DPP10: variants seen among roughly 807,000 people sequenced by gnomAD.
DPP10 encodes the protein inactive dipeptidyl peptidase 10.
In DPP10, 33 loss-of-function variants were observed where a neutral mutation model predicts 120.9. The observed-to-expected ratio is 0.27, with a 90% confidence interval of 0.21 to 0.37. DPP10 has a LOEUF of 0.37. Among genes scored for constraint, DPP10 ranks in the 10% least tolerant of loss-of-function variants. DPP10 has a pLI of 1.00. For synonymous variants in DPP10, 337 were observed against 326.1 expected (o/e 1.03, Z -0.36); for missense variants, 816 against 942.8 (o/e 0.87, Z 1.76).
At chr2:115,460,301 C>A (rs528371290) in intron 3 of DPP10, among the ~76,000 whole-genome samples, 26 of 152,096 alleles carry the variant, frequency 1.7e-4, no homozygotes, top group African/African-American at 6.0e-4. Context: ...TCTTTCTCTC[C>A]CTATTAGTTA....
At position 115,779,601 on chromosome 2, in the gene DPP10, G is replaced by A. The variant is rs541526468; in HGVS notation, c.1362-1273G>A. 2.0e-5 allele frequency among the ~76,000 whole-genome samples: 3 copies of A among 152,144 alleles called. No homozygotes were observed. The South Asian group carries it at 6.2e-4, about 31-fold the overall frequency. On this transcript the variant is annotated intron_variant, in intron 15 of 25. Transcript: ENST00000410059. ...TCTAAAAGCTTTATGGAAGAGTAGA[G>A]AGAAAAAGGTTTTAAATCTTAGTAT...
intron 19 of DPP10, among the ~76,000 whole-genome samples, chr2:115,796,976 T>C (rs545924888): frequency 6.6e-6 from 1 of 152,212 alleles, no homozygotes; most frequent in Non-Finnish European, 1.5e-5. Context: ...CCTGCCTACA[T>C]AGTCCACCGT....
chr2:115,473,271 G>A (rs1440036156), intron 3 of DPP10, among the ~76,000 whole-genome samples: 1 of 152,150 alleles, frequency 6.6e-6, no homozygotes, highest in Non-Finnish European at 1.5e-5. Flanking sequence ...GGGTTAGTAA[G>A]TTCAACTTCT....
At chr2:115,650,412 G>C (rs1008435426) in intron 5 of DPP10, among the ~76,000 whole-genome samples, 6 of 45,364 alleles carry the variant, frequency 1.3e-4, no homozygotes, top group Admixed American at 3.8e-4. Context: ...ATGGGGAAAG[G>C]GGGGGGGGGA....
At chr2:114,997,365 A>T (rs1574659109) in intron 1 of DPP10, among the ~76,000 whole-genome samples, 2 of 150,458 alleles carry the variant, frequency 1.3e-5, no homozygotes. Context: ...GGTGGCATGC[A>T]CCTGTAGTCC....
intron 1 of DPP10, chr2:114,828,614 A>G (rs1175808837): frequency 6.6e-6 from 1 of 152,218 alleles, no homozygotes; most frequent in Non-Finnish European, 1.5e-5. Flanking sequence ...TGTGCAATAA[A>G]TGAATACATA....
intron 1 of DPP10, among the ~76,000 whole-genome samples, chr2:115,048,920 T>C (rs1294173857): frequency 1.3e-5 from 2 of 152,158 alleles, no homozygotes; most frequent in Non-Finnish European, 2.9e-5. Flanking sequence ...CATTTACTGA[T>C]GTTATAAGTA....
chr2:115,279,348 A>G (rs2060046629), intron 1 of DPP10, among the ~76,000 whole-genome samples: 1 of 152,164 alleles, frequency 6.6e-6, no homozygotes, highest in African/African-American at 2.4e-5. Context: ...GGAGAGTGTC[A>G]ATGAGAAAAA....
At chr2:114,985,085 A>G (rs1700314513) in intron 1 of DPP10, among the ~76,000 whole-genome samples, 2 of 152,220 alleles carry the variant, frequency 1.3e-5, no homozygotes, top group African/African-American at 4.8e-5. Flanking sequence ...AGGCCCAAAG[A>G]TTCTAAATAA....
intron 1 of DPP10, among the ~76,000 whole-genome samples, chr2:115,007,838 G>T (rs1270957364): frequency 6.9e-6 from 1 of 144,586 alleles, no homozygotes; most frequent in East Asian, 2.0e-4. Context: ...TTGCTTCAAA[G>T]AGAATAAAAT....
At chr2:115,659,180 G>A (rs560239506) in intron 5 of DPP10, among the ~76,000 whole-genome samples, 18 of 152,160 alleles carry the variant, frequency 1.2e-4, no homozygotes, top group African/African-American at 4.3e-4. Flanking sequence ...TAGCAAGAAG[G>A]CCTGCATCAG....
intron 1 of DPP10, among the ~76,000 whole-genome samples, chr2:114,599,928 C>T (rs1359214285): frequency 2.0e-5 from 3 of 151,200 alleles, no homozygotes; most frequent in African/African-American, 7.3e-5. Context: ...ATTTTTCTTT[C>T]TCCATTGAAT....
chr2:114,719,001 C>G (rs894093080), intron 1 of DPP10, among the ~76,000 whole-genome samples: 9 of 152,168 alleles, frequency 5.9e-5, no homozygotes, highest in African/African-American at 1.7e-4. Flanking sequence ...GCAGATCAAG[C>G]CTGGCTTATA....
intron 5 of DPP10, among the ~76,000 whole-genome samples, chr2:115,602,552 ATTTCT>A (rs1324165028): frequency 2.0e-4 from 31 of 152,272 alleles, no homozygotes; most frequent in Non-Finnish European, 4.0e-4. Flanking sequence ...AGTCATATAA[ATTTCT>A]TTATTTTTTC....
chr2:114,689,741 T>C (rs1699611605), intron 1 of DPP10, among the ~76,000 whole-genome samples: 1 of 151,954 alleles, frequency 6.6e-6, no homozygotes, highest in South Asian at 2.1e-4. Flanking sequence ...CTCACTAGCA[T>C]TTGTTGTTTT....
chr2:115,018,283 T>C lies in DPP10; in HGVS notation c.61-290956T>C, dbSNP rs531177338. On this transcript the variant is annotated intron_variant, in intron 1 of 25. Transcript: ENST00000410059. The stretch of plus-strand genomic sequence containing the variant: ...TAGGAGTGTAAATTAGTTCAACCAA[T>C]GTGGAAGACAGTGTGGTGATTCCTC... Among the ~76,000 whole-genome samples the C allele has an allele frequency of 2.6e-5, 4 of 152,272 alleles. No individual in the cohort carries two copies. The South Asian group carries it at 6.2e-4, about 24-fold the overall frequency.
In DPP10 at chr2:115,701,271, A is replaced by T. The variant is rs549482539; in HGVS notation, c.576+11350A>T. ...CAGTAATATAGACCAATGGAAAAGA[A>T]GAGAGAGTCCAAAAATAAACTTTCG... is the stretch of plus-strand genomic sequence containing the variant. On this transcript the variant is annotated intron_variant, in intron 7 of 25. Coordinates refer to ENST00000410059, the MANE Select transcript of DPP10 (RefSeq NM_020868.6). 3.9e-5 allele frequency among the ~76,000 whole-genome samples: 6 copies of T among 152,238 alleles called. No homozygotes were observed. The East Asian group carries it at 1.2e-3, about 29-fold the overall frequency.
chr2:115,229,143 T>TATTC (rs1179825766), intron 1 of DPP10, among the ~76,000 whole-genome samples: 1 of 152,204 alleles, frequency 6.6e-6, no homozygotes, highest in African/African-American at 2.4e-5. Context: ...GTTGAGCATC[T>TATTC]ATTCATACAC....
chr2:114,929,775 A>G (rs1188183572), intron 1 of DPP10, among the ~76,000 whole-genome samples: 1 of 152,220 alleles, frequency 6.6e-6, no homozygotes, highest in Admixed American at 6.5e-5. Flanking sequence ...GGATTAAGAG[A>G]TTAAAGTAAA....
Sources: allele counts gnomAD v4.1 joint callset (sites outside exome capture counted in the v4.1 genomes callset), GRCh38; gene constraint gnomAD v4.1.1; transcripts MANE v1.5; gene names NCBI Gene and HGNC (gene_info 2026-07-23, HGNC 2026-07-21).